RABEP1: variants seen among roughly 807,000 people sequenced by gnomAD.
The protein encoded by RABEP1 is rabaptin, RAB GTPase binding effector protein 1.
Under a neutral mutation model 123.4 loss-of-function variants are expected in RABEP1, and 51 were observed. The observed-to-expected ratio is 0.41, with a 90% confidence interval of 0.33 to 0.52. The LOEUF (loss-of-function observed/expected upper bound fraction) is 0.52, where lower values mean the gene tolerates loss of function less well. Among genes scored for constraint, RABEP1 ranks in the 20% least tolerant of loss-of-function variants. RABEP1 has a pLI of 0.16. For synonymous variants in RABEP1, 347 were observed against 355.2 expected (o/e 0.98, Z 0.26); for missense variants, 888 against 996.3 (o/e 0.89, Z 1.46).
intron 2 of RABEP1, among the ~76,000 whole-genome samples, chr17:5,319,828 A>G (rs960783728): frequency 6.6e-6 from 1 of 152,192 alleles, no homozygotes; most frequent in African/African-American, 2.4e-5. Flanking sequence ...GCTGTTTGAA[A>G]ATACAAAGAG....
At chr17:5,315,374 A>G (rs1462095786) in intron 2 of RABEP1, among the ~76,000 whole-genome samples, 2 of 152,244 alleles carry the variant, frequency 1.3e-5, no homozygotes, top group African/African-American at 4.8e-5. Context: ...AAAGAGGGAA[A>G]TATGAAAGAA....
Position 5,378,428 on chromosome 17 carries a change from TA to T in RABEP1, c.2271+199del, listed in dbSNP as rs1247923754. ...GAGTGCCCTGTGTGTCAGGCTACGT[TA>T]AACTGGAGGAGGTAAGGCTAAGATG... On this transcript the variant is annotated intron_variant, in intron 15 of 17. Transcript: ENST00000537505. 80 of 663,120 alleles carry T rather than the reference TA, an allele frequency of 1.2e-4. 1 individual carries two copies. The highest frequency in any genetic ancestry group is 1.6e-4 in the Non-Finnish European group (58 of 361,936). The allele number at this position is 663,120 out of a possible 1,614,324, so 41.1% of individuals were successfully genotyped here.
In RABEP1 at chr17:5,377,160, T is replaced by G. The variant is rs372194926; in HGVS notation, c.2070T>G (p.Asn690Lys). The G allele has an allele frequency of 1.6e-5, 25 of 1,609,590 alleles. No homozygotes were observed. The highest frequency in any genetic ancestry group is 2.1e-5 in the Non-Finnish European group (25 of 1,179,026). ...TAAAATACCGTGAGGACATCATTAA[T>G]GTGCGGACAGCAGCAGACCACGTAG... ...LVLKYREDII[N>K]VRTAADHVEE... Residue 690 changes from asparagine to lysine, a missense_variant, in exon 14 of 18, where the codon AAT becomes AAG. By Grantham distance (94) the Asn-to-Lys change is moderately conservative (BLOSUM62 0). Transcript: ENST00000537505.
intron 12 of RABEP1, 70 bp downstream of exon 12, chr17:5,368,538 A>T: frequency 9.0e-7 from 1 of 1,106,354 alleles, no homozygotes; most frequent in Non-Finnish European, 1.4e-6. Flanking sequence ...TCTTGACATC[A>T]TCTTTGATAG....
intron 1 of RABEP1, among the ~76,000 whole-genome samples, chr17:5,287,598 CAAAAAAAAAAA>C (rs55858409): frequency 1.6e-5 from 1 of 61,192 alleles, no homozygotes; most frequent in African/African-American, 6.8e-5. Context: ...GACTCTGTCG[CAAAAAAAAAAA>C]AAAAAAAAAA....
At position 5,384,918 on chromosome 17, in the gene RABEP1, A is replaced by C. The variant is rs1370411463; in HGVS notation, c.*1695A>C. 4.5e-6 allele frequency: 1 copy of C among 224,540 alleles called. No homozygotes were observed. Among genetic ancestry groups the C allele is most frequent in the Admixed American group, 5.7e-5 (1 of 17,500 alleles). 13.9% of individuals were successfully genotyped at this position (224,540 alleles called of 1,614,324 possible). A position where few individuals can be genotyped will look rare whatever the true frequency, so the allele number is the denominator to read the frequency against. On this transcript the variant is annotated 3_prime_UTR_variant, in exon 18 of 18. Coordinates refer to ENST00000537505, the MANE Select transcript of RABEP1 (RefSeq NM_004703.6). ...AGACTAGTCCCTTGGATAAGCCCCA[A>C]GCGAATTTGTCTTCAGATTATTAAA...
chr17:5,383,341 G>A lies in RABEP1; in HGVS notation c.*118G>A. 3 of 817,780 alleles carry A rather than the reference G, an allele frequency of 3.7e-6. No individual in the cohort carries two copies. The highest frequency in any genetic ancestry group is 2.7e-5 in the East Asian group (1 of 37,438). 50.7% of individuals were successfully genotyped at this position (817,780 alleles called of 1,614,324 possible). A position where few individuals can be genotyped will look rare whatever the true frequency, so the allele number is the denominator to read the frequency against. The stretch of plus-strand genomic sequence containing the variant: ...AGAAGTCACAACAAAAGGAAGACTG[G>A]AGAAATGCTTACTTCTAGAGGGAGA... On this transcript the variant is annotated 3_prime_UTR_variant, in exon 18 of 18. Coordinates refer to ENST00000537505, the MANE Select transcript of RABEP1 (RefSeq NM_004703.6).
intron 8 of RABEP1, among the ~76,000 whole-genome samples, chr17:5,356,187 C>T (rs1908998170): frequency 1.3e-5 from 2 of 152,126 alleles, no homozygotes; most frequent in Admixed American, 6.5e-5. Flanking sequence ...GAAACCCTAT[C>T]TCTACTAAAA....
chr17:5,376,145 C>G (rs1030607937), intron 13 of RABEP1, among the ~76,000 whole-genome samples: 5 of 152,118 alleles, frequency 3.3e-5, no homozygotes, highest in African/African-American at 1.2e-4. Context: ...CCTGCCTAGT[C>G]CTAGATCTTA....
chr17:5,381,715 A>AT (rs1425553359), intron 17 of RABEP1: 8 of 733,980 alleles, frequency 1.1e-5, no homozygotes, highest in Middle Eastern at 4.4e-4. Flanking sequence ...ATGCCTTGCC[A>AT]ATTTTGCCTC....
intron 1 of RABEP1, among the ~76,000 whole-genome samples, chr17:5,299,731 C>CTTTTTTTTTTTTTTTTTTTTTTTTTT (rs1171650180): frequency 4.1e-5 from 4 of 96,858 alleles, no homozygotes; most frequent in Non-Finnish European, 7.4e-5. Flanking sequence ...TTTTCTTTTT[C>CTTTTTTTTTTTTTTTTTTTTTTTTTT]TTTTTTTTTT....
chr17:5,354,693 G>A (rs552038816), intron 8 of RABEP1, among the ~76,000 whole-genome samples: 8 of 152,082 alleles, frequency 5.3e-5, no homozygotes, highest in Non-Finnish European at 7.3e-5. Flanking sequence ...AGCTTCATTC[G>A]CTGTCTGAAA....
chr17:5,315,758 A>G (rs560676296), intron 2 of RABEP1, among the ~76,000 whole-genome samples: 21 of 152,326 alleles, frequency 1.4e-4, no homozygotes, highest in African/African-American at 4.6e-4. Flanking sequence ...AGGCTGAGGC[A>G]GGAGAATTGC....
At chr17:5,357,075 A>G (rs1909082456) in intron 8 of RABEP1, among the ~76,000 whole-genome samples, 1 of 152,000 alleles carries the variant, frequency 6.6e-6, no homozygotes, top group South Asian at 2.1e-4. Context: ...ATGGGGTTTC[A>G]CCATGTTGGC....
At chr17:5,294,067 A>C (rs1357185267) in intron 1 of RABEP1, among the ~76,000 whole-genome samples, 3 of 152,252 alleles carry the variant, frequency 2.0e-5, no homozygotes, top group Admixed American at 2.0e-4. Context: ...AAGACAGTTT[A>C]TTAACACTTT....
chr17:5,368,544 G>A, intron 12 of RABEP1, 76 bp downstream of exon 12: 1 of 1,069,032 alleles, frequency 9.4e-7, no homozygotes, highest in South Asian at 1.3e-5. Context: ...CATCATCTTT[G>A]ATAGGAATTT....
chr17:5,347,153 T>C (rs1056107305), intron 6 of RABEP1, among the ~76,000 whole-genome samples: 3 of 152,178 alleles, frequency 2.0e-5, no homozygotes, highest in Non-Finnish European at 4.4e-5. Flanking sequence ...CTCACTCCTA[T>C]AATCCCAGCA....
At chr17:5,314,234 C>CTTTTTTTTTTTTTTTTTTTTTTTTTTT (rs71151864) in intron 2 of RABEP1, among the ~76,000 whole-genome samples, 1 of 55,560 alleles carries the variant, frequency 1.8e-5, no homozygotes, top group Non-Finnish European at 3.2e-5. Context: ...AGTACCTATT[C>CTTTTTTTTTTTTTTTTTTTTTTTTTTT]TTTTTTTTTT....
chr17:5,373,167 GTGCAGCTTTTTCTAA>G (rs1221749985), intron 12 of RABEP1, 132 bp from the exon 13 acceptor site: 7 of 601,856 alleles, frequency 1.2e-5, no homozygotes, highest in African/African-American at 1.9e-5. Flanking sequence ...GAAAATCTCT[GTGCAGCTTTTTCTAA>G]GTCTAGCAGA....
Sources: allele counts gnomAD v4.1 joint callset (sites outside exome capture counted in the v4.1 genomes callset), GRCh38; gene constraint gnomAD v4.1.1; transcripts MANE v1.5; gene names NCBI Gene and HGNC (gene_info 2026-07-23, HGNC 2026-07-21).